CAMK2A: variants seen among roughly 807,000 people sequenced by gnomAD.
CAMK2A encodes calcium/calmodulin-dependent protein kinase type II subunit alpha.
In CAMK2A, 7 loss-of-function variants were observed where a neutral mutation model predicts 79.2. That is an observed-to-expected ratio of 0.09 (90% confidence interval 0.05 to 0.17). The LOEUF is 0.17. Ranked by LOEUF, CAMK2A falls within the 10% of genes least tolerant of loss-of-function variation. The probability of loss-of-function intolerance (pLI) is 1.00; values close to 1 mark genes in which losing one functional copy is unlikely to be tolerated. For missense variants in CAMK2A, 214 were observed against 646.4 expected, an observed-to-expected ratio of 0.33 and a Z score of 7.25; for synonymous variants, 242 against 251.7, an observed-to-expected ratio of 0.96 and a Z score of 0.36.
At chr5:150,224,923 G>T (rs1032105201) in intron 17 of CAMK2A, among the ~76,000 whole-genome samples, 1 of 152,104 alleles carries the variant, frequency 6.6e-6, no homozygotes, top group Non-Finnish European at 1.5e-5. Flanking sequence ...CAGTTTAGGA[G>T]ACTGAGGCAG....
At chr5:150,244,166 C>T (rs1580914088) in intron 13 of CAMK2A, among the ~76,000 whole-genome samples, 1 of 152,340 alleles carries the variant, frequency 6.6e-6, no homozygotes, top group African/African-American at 2.4e-5. Context: ...ACACCCCACT[C>T]GTTGTACTTA....
In CAMK2A at chr5:150,238,443, C is replaced by T. The variant is rs538281151; in HGVS notation, c.1066+257G>A. The T allele has an allele frequency of 4.1e-4, 151 of 367,208 alleles. 1 individual carries two copies. Among genetic ancestry groups the T allele is most frequent in the South Asian group, 3.9e-3 (141 of 36,284 alleles). 22.7% of individuals were successfully genotyped at this position (367,208 alleles called of 1,614,324 possible). A position where few individuals can be genotyped will look rare whatever the true frequency, so the allele number is the denominator to read the frequency against. On this transcript the variant is annotated intron_variant, in intron 15 of 18. Transcript: ENST00000671881. ...CTCCAGCCTGGACGACAGAGCGAGA[C>T]GTCATCTCAAAAAAATAAAATAAAA...
intron 3 of CAMK2A, among the ~76,000 whole-genome samples, chr5:150,263,949 G>A (rs1756403068): frequency 6.6e-6 from 1 of 152,190 alleles, no homozygotes; most frequent in African/African-American, 2.4e-5. Context: ...GGTGCCTTCT[G>A]GGTATAAATA....
In CAMK2A at chr5:150,228,180, G is replaced by A. The variant is rs1271556644; in HGVS notation, c.1237+12C>T. 2 of 1,604,528 alleles carry A rather than the reference G, an allele frequency of 1.2e-6. No homozygotes were observed. The highest frequency in any genetic ancestry group is 1.7e-4 in the Middle Eastern group (1 of 6,054). On this transcript the variant is annotated intron_variant, in intron 17 of 18. Transcript: ENST00000671881. ...CAGACAACAGGCACCACAGAGAGAAGGAATTGCTCACGGTTTTCAAAATAG... is the reference window on the plus strand; with the variant it reads ...CAGACAACAGGCACCACAGAGAGAAAGAATTGCTCACGGTTTTCAAAATAG...
chr5:150,280,669 G>A lies in CAMK2A; in HGVS notation c.63-7510C>T, dbSNP rs923548792. On this transcript the variant is annotated intron_variant, in intron 1 of 18. Transcript: ENST00000671881. ...CTCACCACTACCCCTTGCAGTCCCC[G>A]CTGGAGCCTAATGCACCTTGCCTGC... Among the ~76,000 whole-genome samples, 8 of 150,066 alleles carry A rather than the reference G, an allele frequency of 5.3e-5. 1 individual carries two copies. Among genetic ancestry groups the A allele is most frequent in the African/African-American group, 2.0e-4 (8 of 40,688 alleles).
At chr5:150,252,303 A>C (rs1227845363) in intron 7 of CAMK2A, among the ~76,000 whole-genome samples, 1 of 152,138 alleles carries the variant, frequency 6.6e-6, no homozygotes, top group Non-Finnish European at 1.5e-5. Flanking sequence ...ACCTGTCACC[A>C]CTTCCCACTT....
At chr5:150,258,647 G>A (rs1249412388) in intron 3 of CAMK2A, among the ~76,000 whole-genome samples, 1 of 152,224 alleles carries the variant, frequency 6.6e-6, no homozygotes, top group African/African-American at 2.4e-5. Context: ...TCTGGGGAGG[G>A]GAATTGGGGG....
chr5:150,274,178 A>G (rs2150302937), intron 1 of CAMK2A, among the ~76,000 whole-genome samples: 1 of 152,362 alleles, frequency 6.6e-6, no homozygotes, highest in African/African-American at 2.4e-5. Context: ...TTAAGAGTGA[A>G]GCTGAGCATC....
At chr5:150,267,552 A>T (rs530670968) in intron 2 of CAMK2A, among the ~76,000 whole-genome samples, 63 of 152,210 alleles carry the variant, frequency 4.1e-4, no homozygotes, top group Non-Finnish European at 7.9e-4. Context: ...ACATCATCTT[A>T]TGCATGGTAC....
chr5:150,229,286 T>A (rs6579782), intron 16 of CAMK2A, among the ~76,000 whole-genome samples: 65,474 of 152,042 alleles, frequency 0.43, 15,563 homozygotes, highest in African/African-American at 0.64. Flanking sequence ...GGCTTAAGCC[T>A]GGGGCTGGGG....
intron 1 of CAMK2A, among the ~76,000 whole-genome samples, chr5:150,273,595 C>T (rs1265971544): frequency 6.6e-6 from 1 of 152,150 alleles, no homozygotes; most frequent in Non-Finnish European, 1.5e-5. Flanking sequence ...CCTGAGGTCC[C>T]CTTCCCAGAG....
At position 150,222,330 on chromosome 5, in the gene CAMK2A, A is replaced by T; in HGVS notation, c.*380T>A. 1.6e-6 allele frequency: 1 copy of T among 609,792 alleles called. No individual in the cohort carries two copies. The highest frequency in any genetic ancestry group is 2.7e-5 in the East Asian group (1 of 36,478). The allele number at this position is 609,792 out of a possible 1,614,324, so 37.8% of individuals were successfully genotyped here. On this transcript the variant is annotated 3_prime_UTR_variant, in exon 19 of 19. Coordinates refer to ENST00000671881, the MANE Select transcript of CAMK2A (RefSeq NM_015981.4). ...GGGACGGACGGATGCTGCCTTCCTC[A>T]TCATGCCACCCCTCCTTCTCCCCAG...
intron 1 of CAMK2A, among the ~76,000 whole-genome samples, chr5:150,281,368 C>T (rs867432065): frequency 6.6e-6 from 1 of 152,322 alleles, no homozygotes; most frequent in Middle Eastern, 3.4e-3. Flanking sequence ...TCACCCAGGA[C>T]GTGGAACCCA....
intron 1 of CAMK2A, among the ~76,000 whole-genome samples, chr5:150,280,754 T>C (rs1246291803): frequency 6.6e-6 from 1 of 152,076 alleles, no homozygotes; most frequent in Non-Finnish European, 1.5e-5. Flanking sequence ...CTTCCTTTTG[T>C]TTCTGGGTCG....
intron 1 of CAMK2A, among the ~76,000 whole-genome samples, chr5:150,278,291 G>T (rs1757041452): frequency 6.6e-6 from 1 of 152,042 alleles, no homozygotes. Context: ...TGCCATGGCA[G>T]TGGGGATCAG....
At chr5:150,268,300 G>T (rs1756600403) in intron 2 of CAMK2A, among the ~76,000 whole-genome samples, 2 of 152,128 alleles carry the variant, frequency 1.3e-5, no homozygotes, top group Non-Finnish European at 2.9e-5. Flanking sequence ...CGGCCAGGAA[G>T]CTCCAGCCAC....
At chr5:150,234,247 G>T (rs892153236) in intron 15 of CAMK2A, among the ~76,000 whole-genome samples, 1 of 152,146 alleles carries the variant, frequency 6.6e-6, no homozygotes, top group African/African-American at 2.4e-5. Context: ...CTGGCTCACC[G>T]TTCCAGGAGC....
At chr5:150,279,036 C>T (rs189118127) in intron 1 of CAMK2A, among the ~76,000 whole-genome samples, 1 of 152,266 alleles carries the variant, frequency 6.6e-6, no homozygotes, top group African/African-American at 2.4e-5. Context: ...GCCGCAGTCT[C>T]TTCATCTACA....
intron 1 of CAMK2A, among the ~76,000 whole-genome samples, chr5:150,277,080 G>T (rs1208161559): frequency 6.6e-6 from 1 of 152,112 alleles, no homozygotes; most frequent in African/African-American, 2.4e-5. Context: ...TGAGCATGGT[G>T]GTACACATCT....
Sources: gnomAD v4.1 joint callset for allele counts (sites outside exome capture counted in the v4.1 genomes callset) on GRCh38, gnomAD v4.1.1 for gene constraint, MANE v1.5 for transcripts, NCBI Gene and HGNC (gene_info 2026-07-23, HGNC 2026-07-21) for gene names.